The following MAP3K7 variants were observed in gnomAD, a reference collection of about 807,000 sequenced individuals.
MAP3K7 encodes the protein TGF-beta activated kinase 1.
A neutral mutation model predicts 84.8 loss-of-function variants in MAP3K7; 21 were observed. That is an observed-to-expected ratio of 0.25 (90% CI 0.18 to 0.36). The LOEUF (loss-of-function observed/expected upper bound fraction) is 0.36. MAP3K7 is among the 10% of genes least tolerant of loss of function. The pLI, the probability that MAP3K7 is intolerant of heterozygous loss-of-function variation, is 1.00. For missense variants in MAP3K7, 503 were observed against 747.7 expected (o/e 0.67, Z 3.82); for synonymous variants, 241 against 247.7 (o/e 0.97, Z 0.25).
intron 1 of MAP3K7, among the ~76,000 whole-genome samples, chr6:90,586,480 G>T (rs1476808466): frequency 6.6e-6 from 1 of 152,016 alleles, no homozygotes; most frequent in Non-Finnish European, 1.5e-5. Flanking sequence ...ACGAGAACTG[G>T]TGGACCACAC....
At chr6:90,569,470 C>T (rs1303034553) in intron 2 of MAP3K7, among the ~76,000 whole-genome samples, 1 of 141,978 alleles carries the variant, frequency 7.0e-6, no homozygotes, top group Non-Finnish European at 1.6e-5. Context: ...TATTCTAGAT[C>T]TCAAACTTCT....
intron 13 of MAP3K7, among the ~76,000 whole-genome samples, chr6:90,529,323 A>C (rs1432865902): frequency 6.6e-6 from 1 of 152,078 alleles, no homozygotes; most frequent in Non-Finnish European, 1.5e-5. Flanking sequence ...TGAACCAGAT[A>C]AAACTGGTGT....
At chr6:90,545,886 G>A (rs1775986483) in intron 11 of MAP3K7, among the ~76,000 whole-genome samples, 1 of 152,126 alleles carries the variant, frequency 6.6e-6, no homozygotes, top group Admixed American at 6.6e-5. Flanking sequence ...AGGCATCTGG[G>A]AATGTTCCTT....
intron 1 of MAP3K7, 138 bp from the exon 2 acceptor site, chr6:90,571,945 T>C (rs886357403): frequency 4.1e-6 from 2 of 485,286 alleles, no homozygotes; most frequent in Admixed American, 4.1e-5. Context: ...AAATCAACAG[T>C]ATCTGGATTT....
chr6:90,518,191 A>T (rs2127954199), intron 16 of MAP3K7, among the ~76,000 whole-genome samples: 1 of 151,850 alleles, frequency 6.6e-6, no homozygotes, highest in Middle Eastern at 3.4e-3. Context: ...AATCTTTATA[A>T]TAATAAGTCT....
At chr6:90,536,245 C>A (rs1775673005) in intron 13 of MAP3K7, 92 bp downstream of exon 13, 10 of 984,430 alleles carry the variant, frequency 1.0e-5, no homozygotes, top group Middle Eastern at 4.3e-4. Flanking sequence ...TTTAGGTCAA[C>A]TCATAAAACT....
intron 8 of MAP3K7, chr6:90,551,413 T>TG (rs1166425642): frequency 2.0e-5 from 3 of 152,170 alleles, no homozygotes; most frequent in Non-Finnish European, 4.4e-5. Context: ...TTTTTGTTAA[T>TG]GTACCAAAAA....
rs746842603 is a variant in MAP3K7, at chr6:90,523,725, G to A, written c.1415C>T (p.Ser472Leu). 6 of 1,613,414 alleles carry A rather than the reference G, an allele frequency of 3.7e-6. No homozygotes were observed. The South Asian group carries it at 6.6e-5, about 18-fold the overall frequency. ...TGGATGACTTCGAGTTGGCTTTTCTGAGGTTGGTCCTGAGGTAGTAATCAT... is the reference window on the plus strand; with the variant it reads ...TGGATGACTTCGAGTTGGCTTTTCTAAGGTTGGTCCTGAGGTAGTAATCAT... The part of the protein sequence containing the change: ...VRMITTSGPT[S>L]EKPTRSHPWT... Residue 472 changes from serine to leucine, a missense_variant, in exon 14 of 17, where the codon TCA becomes TTA. Physicochemically the swap from Ser to Leu is moderately radical, Grantham distance 145 (BLOSUM62 -2). Coordinates refer to ENST00000369329, the MANE Select transcript of MAP3K7 (RefSeq NM_145331.3).
At chr6:90,520,472 G>A (rs1366767657) in intron 14 of MAP3K7, among the ~76,000 whole-genome samples, 1 of 151,614 alleles carries the variant, frequency 6.6e-6, no homozygotes, top group Non-Finnish European at 1.5e-5. Flanking sequence ...CAGACCAAAT[G>A]AGCCAGTGCA....
intron 1 of MAP3K7, among the ~76,000 whole-genome samples, chr6:90,581,597 C>T (rs565315214): frequency 6.6e-6 from 1 of 152,338 alleles, no homozygotes; most frequent in African/African-American, 2.4e-5. Context: ...CAGTACATCT[C>T]ACCCATTTTC....
chr6:90,576,240 G>C (rs1191303329), intron 1 of MAP3K7, among the ~76,000 whole-genome samples: 1 of 151,974 alleles, frequency 6.6e-6, no homozygotes, highest in Non-Finnish European at 1.5e-5. Flanking sequence ...TGGCTAACAC[G>C]GTGAAACCCC....
intron 13 of MAP3K7, among the ~76,000 whole-genome samples, chr6:90,535,945 A>G (rs1775657080): frequency 6.6e-6 from 1 of 152,196 alleles, no homozygotes; most frequent in African/African-American, 2.4e-5. Flanking sequence ...AGGAGTAGCA[A>G]CTTATTGGGG....
intron 5 of MAP3K7, among the ~76,000 whole-genome samples, chr6:90,558,495 T>G (rs1463402259): frequency 6.6e-6 from 1 of 152,124 alleles, no homozygotes; most frequent in Non-Finnish European, 1.5e-5. Context: ...TACCAGGGGC[T>G]CCAAAGACGA....
chr6:90,526,449 T>G (rs1319678703), intron 13 of MAP3K7, among the ~76,000 whole-genome samples: 2 of 152,146 alleles, frequency 1.3e-5, no homozygotes, highest in African/African-American at 2.4e-5. Flanking sequence ...GAAAAACACT[T>G]CTAAATAACT....
intron 13 of MAP3K7, among the ~76,000 whole-genome samples, chr6:90,534,936 T>C (rs1278946752): frequency 6.6e-6 from 1 of 152,104 alleles, no homozygotes; most frequent in Non-Finnish European, 1.5e-5. Flanking sequence ...CTAAATGGGC[T>C]GATTAAAACT....
At chr6:90,573,809 A>C (rs867659197) in intron 1 of MAP3K7, among the ~76,000 whole-genome samples, 1 of 152,246 alleles carries the variant, frequency 6.6e-6, no homozygotes, top group Non-Finnish European at 1.5e-5. Context: ...CCTCTAGGCA[A>C]AATTTCAAAG....
intron 1 of MAP3K7, among the ~76,000 whole-genome samples, chr6:90,585,154 T>C (rs1777402675): frequency 6.6e-6 from 1 of 152,116 alleles, no homozygotes; most frequent in Non-Finnish European, 1.5e-5. Flanking sequence ...TAGAGTAAAC[T>C]AAAATTCAAA....
At chr6:90,524,488 A>G (rs933122049) in intron 13 of MAP3K7, among the ~76,000 whole-genome samples, 1 of 152,330 alleles carries the variant, frequency 6.6e-6, no homozygotes, top group South Asian at 2.1e-4. Context: ...AGACAGAAAA[A>G]GCAGCCAGAA....
chr6:90,531,943 G>A (rs993326315), intron 13 of MAP3K7, among the ~76,000 whole-genome samples: 2 of 150,578 alleles, frequency 1.3e-5, no homozygotes, highest in African/African-American at 4.9e-5. Flanking sequence ...CTGACAGCGG[G>A]GACTGTGTCT....
Sources: gnomAD v4.1 joint callset for allele counts (sites outside exome capture counted in the v4.1 genomes callset) on GRCh38, gnomAD v4.1.1 for gene constraint, MANE v1.5 for transcripts, NCBI Gene and HGNC (gene_info 2026-07-23, HGNC 2026-07-21) for gene names.